The following STK32B variants were observed in gnomAD, a reference collection of about 807,000 sequenced individuals.
STK32B encodes serine/threonine-protein kinase 32B.
Under a neutral mutation model 52.6 loss-of-function variants are expected in STK32B, and 43 were observed. The observed-to-expected ratio is 0.82, with a 90% CI of 0.64 to 1.05. The LOEUF (loss-of-function observed/expected upper bound fraction) is 1.05. STK32B is among the 50% of genes least tolerant of loss of function. The pLI, the probability that STK32B is intolerant of heterozygous loss-of-function variation, is 0.00. For missense variants in STK32B, 621 were observed against 534.6 expected (o/e 1.16, Z -1.59); for synonymous variants, 238 against 204.3 (o/e 1.17, Z -1.41).
chr4:5,490,111 AT>A (rs36009435), intron 11 of STK32B, among the ~76,000 whole-genome samples: 47,835 of 143,132 alleles, frequency 0.33, 8,323 homozygotes, highest in Non-Finnish European at 0.42. Context: ...TTAAGTAGGC[AT>A]TTTTTTTTTT....
At chr4:5,491,635 A>G (rs1041718178) in intron 11 of STK32B, among the ~76,000 whole-genome samples, 7 of 151,938 alleles carry the variant, frequency 4.6e-5, no homozygotes, top group African/African-American at 1.5e-4. Flanking sequence ...TTGGTGTTTT[A>G]GACATGAAGT....
intron 1 of STK32B, among the ~76,000 whole-genome samples, chr4:5,065,372 C>T (rs770616362): frequency 1.1e-4 from 17 of 152,156 alleles, no homozygotes; most frequent in East Asian, 1.9e-4. Flanking sequence ...CCCCCTTCTC[C>T]GTGAAGTCTG....
At chr4:5,238,695 C>T (rs1724798467) in intron 3 of STK32B, among the ~76,000 whole-genome samples, 1 of 152,104 alleles carries the variant, frequency 6.6e-6, no homozygotes, top group Admixed American at 6.5e-5. Context: ...ATACAAAGGC[C>T]AGCGTTTAGA....
At chr4:5,221,375 C>G (rs1560235772) in intron 3 of STK32B, among the ~76,000 whole-genome samples, 3 of 152,096 alleles carry the variant, frequency 2.0e-5, no homozygotes, top group Admixed American at 2.0e-4. Flanking sequence ...TGGCCAAATT[C>G]CTATAGGATA....
chr4:5,074,206 G>A (rs558381301), intron 1 of STK32B, among the ~76,000 whole-genome samples: 2 of 151,816 alleles, frequency 1.3e-5, no homozygotes, highest in African/African-American at 4.8e-5. Context: ...GTGTGTGTGT[G>A]TGTGCGCGTG....
chr4:5,064,464 TATA>T (rs1239932286), intron 1 of STK32B, among the ~76,000 whole-genome samples: 2 of 90,024 alleles, frequency 2.2e-5, no homozygotes, highest in African/African-American at 7.4e-5. Context: ...CTTATATACA[TATA>T]ATATATAAAT....
chr4:5,316,158 T>A (rs1361778370), intron 3 of STK32B, among the ~76,000 whole-genome samples: 1 of 88,488 alleles, frequency 1.1e-5, no homozygotes, highest in Non-Finnish European at 1.9e-5. Flanking sequence ...ACTAAATATA[T>A]ATAACTAAAT....
chr4:5,453,920 C>T lies in STK32B; in HGVS notation c.667-2887C>T, dbSNP rs570221769. Among the ~76,000 whole-genome samples the T allele has an allele frequency of 2.0e-5, 3 of 151,704 alleles. No individual in the cohort carries two copies. In the South Asian group the frequency reaches 6.3e-4, roughly 32 times the overall value. On this transcript the variant is annotated intron_variant, in intron 7 of 11. Coordinates refer to ENST00000282908, the MANE Select transcript of STK32B (RefSeq NM_018401.3). This position sits in a 1 kb window ranked among gnomAD's most constrained non-coding sequence, Gnocchi z 4.0. ...AACTCCATCTAAAAAAAAAGAAGTCCAAAACTGAACTCAGCCCCAGCTCAT... is the reference window on the plus strand; with the variant it reads ...AACTCCATCTAAAAAAAAAGAAGTCTAAAACTGAACTCAGCCCCAGCTCAT...
At chr4:5,297,614 C>T (rs951373429) in intron 3 of STK32B, among the ~76,000 whole-genome samples, 2 of 148,298 alleles carry the variant, frequency 1.3e-5, no homozygotes, top group African/African-American at 5.0e-5. Flanking sequence ...CTGTGTTTTT[C>T]AGCTCTGTCT....
intron 9 of STK32B, among the ~76,000 whole-genome samples, chr4:5,464,665 T>G (rs7688517): frequency 0.36 from 55,398 of 152,106 alleles, 10,945 homozygotes; most frequent in Non-Finnish European, 0.43. Context: ...TTTGTGTGAC[T>G]TATCTTGTGT....
rs1220402302 is a variant in STK32B at position 5,467,375 on chromosome 4, C to A, written c.1041+541C>A. ...TTCGAGTGGCGGCCGGCCCCCTTGT[C>A]CTTCGCTGGCTCGCAGCTGCATGGT... On this transcript the variant is annotated intron_variant, in intron 10 of 11. Transcript: ENST00000282908. The surrounding 1 kb of genome is among the most constrained non-coding windows in gnomAD (Gnocchi z 5.8). Among the ~76,000 whole-genome samples, 1 of 152,162 alleles carries A rather than the reference C, an allele frequency of 6.6e-6. No individual in the cohort carries two copies. The highest frequency in any genetic ancestry group is 2.4e-5 in the African/African-American group (1 of 41,458).
chr4:5,230,434 C>T (rs1479058087), intron 3 of STK32B, among the ~76,000 whole-genome samples: 1 of 151,984 alleles, frequency 6.6e-6, no homozygotes, highest in African/African-American at 2.4e-5. Flanking sequence ...AGCTGATCCA[C>T]CCGCTTTGGC....
At chr4:5,056,388 C>G (rs1742008380) in intron 1 of STK32B, among the ~76,000 whole-genome samples, 1 of 152,198 alleles carries the variant, frequency 6.6e-6, no homozygotes, top group South Asian at 2.1e-4. Context: ...AGTTTATTCA[C>G]TTCTGTATCC....
At position 5,470,550 on chromosome 4, in the gene STK32B, G is replaced by A. The variant is rs561117265; in HGVS notation, c.1106+2480G>A. On this transcript the variant is annotated intron_variant, in intron 11 of 11. Transcript: ENST00000282908. The surrounding 1 kb of genome is among the most constrained non-coding windows in gnomAD (Gnocchi z 4.6). ...TGATAGGCTTCCTGTCACAGCAGGC[G>A]TGCAGGCTTACTGCCATATAAAGGT... is the stretch of plus-strand genomic sequence containing the variant. Among the ~76,000 whole-genome samples, 122 of 152,206 alleles carry A rather than the reference G, an allele frequency of 8.0e-4. No homozygotes were observed. Among genetic ancestry groups the A allele is most frequent in the African/African-American group, 2.8e-3 (117 of 41,522 alleles).
intron 3 of STK32B, among the ~76,000 whole-genome samples, chr4:5,198,749 A>G (rs1000916841): frequency 6.6e-6 from 1 of 152,158 alleles, no homozygotes; most frequent in Non-Finnish European, 1.5e-5. Flanking sequence ...GACTTGCACA[A>G]AGGTCTGGGA....
chr4:5,445,047 C>T (rs1218866404), intron 6 of STK32B, among the ~76,000 whole-genome samples: 1 of 152,222 alleles, frequency 6.6e-6, no homozygotes, highest in Non-Finnish European at 1.5e-5. Flanking sequence ...CTGTAAGGTG[C>T]ATCTCAGCTT....
intron 1 of STK32B, among the ~76,000 whole-genome samples, chr4:5,138,875 G>C (rs1716235212): frequency 1.3e-5 from 2 of 152,182 alleles, no homozygotes; most frequent in South Asian, 4.1e-4. Flanking sequence ...GCATTCAGTA[G>C]GTGATGGGAG....
chr4:5,316,950 GTATGATATA>G (rs1730943660), intron 3 of STK32B, among the ~76,000 whole-genome samples: 1 of 3,522 alleles, frequency 2.8e-4, no homozygotes, highest in African/African-American at 4.2e-3. Flanking sequence ...TATATAATAT[GTATGATATA>G]ATATATATAA....
the STK32B span, among the ~76,000 whole-genome samples, chr4:5,022,592 C>G: frequency 6.6e-6 from 1 of 152,204 alleles, no homozygotes; most frequent in African/African-American, 2.4e-5. Context: ...CAGGTAAGCC[C>G]TTGTCTCCGC....
Sources: gnomAD v4.1 joint callset for allele counts (sites outside exome capture counted in the v4.1 genomes callset) on GRCh38, gnomAD v4.1.1 for gene constraint, Gnocchi (gnomAD v3.1) non-coding constraint, MANE v1.5 for transcripts, NCBI Gene and HGNC (gene_info 2026-07-23, HGNC 2026-07-21) for gene names.